The following FAM217A variants were observed in gnomAD, a reference collection of about 807,000 sequenced individuals.
FAM217A encodes the protein protein FAM217A.
A neutral mutation model predicts 18.5 loss-of-function variants in FAM217A; 13 were observed. The ratio of observed to expected loss-of-function variants is 0.70; its 90% CI spans 0.46 to 1.12. The LOEUF is 1.12. Among genes scored for constraint, FAM217A ranks in the 50% most tolerant of loss-of-function variants. FAM217A has a pLI of 0.00. For synonymous variants in FAM217A, 161 were observed against 202.8 expected, an observed-to-expected ratio of 0.79 and a Z score of 1.75; for missense variants, 560 against 575.4, an observed-to-expected ratio of 0.97 and a Z score of 0.27.
chr6:4,081,176 T>C (rs1770270269), upstream of FAM217A, among the ~76,000 whole-genome samples: 1 of 152,272 alleles, frequency 6.6e-6, no homozygotes, highest in South Asian at 2.1e-4. Context: ...TTCTGAAATG[T>C]ATGGTGTGGT....
chr6:4,073,512 A>G lies in FAM217A; in HGVS notation c.160-5T>C. The G allele has an allele frequency of 1.2e-6, 2 of 1,610,598 alleles. No individual in the cohort carries two copies. Among genetic ancestry groups the G allele is most frequent in the Non-Finnish European group, 1.7e-6 (2 of 1,177,734 alleles). On this transcript the variant is annotated splice_region_variant and splice_polypyrimidine_tract_variant and intron_variant, in intron 4 of 6. Transcript: ENST00000274673. ...CACTGGAATTTCCAAATAGTTCTAT[A>G]AGGCAGCAGAAGACTTTTAAACATA...
rs771961311 is a variant in FAM217A at position 4,069,604 on chromosome 6, CT to C, written c.618del (p.Glu207LysfsTer18). 1.9e-6 allele frequency: 3 copies of C among 1,614,118 alleles called. No homozygotes were observed. The highest frequency in any genetic ancestry group is 2.5e-6 in the Non-Finnish European group (3 of 1,180,008). On this transcript the variant is annotated frameshift_variant, in exon 7 of 7. Coordinates refer to ENST00000274673, the MANE Select transcript of FAM217A (RefSeq NM_173563.3). LOFTEE classifies it low-confidence loss of function (END_TRUNC). ...EENFTDESDL[S>X]ENEKTNDTLL... is the part of the protein sequence containing the mutation. Reference sequence around the variant, plus strand: ...AAAGTATCATTTGTCTTCTCATTTTCTGATAAATCACTTTCATCTGTGAAAT... The same window carrying C: ...AAAGTATCATTTGTCTTCTCATTTTCGATAAATCACTTTCATCTGTGAAAT...
At chr6:4,077,593 G>A (rs1769915611) in intron 1 of FAM217A, 145 bp from the exon 2 acceptor site, 2 of 702,490 alleles carry the variant, frequency 2.8e-6, no homozygotes, top group Admixed American at 4.6e-5. Flanking sequence ...GGGTGGGGGT[G>A]ACAGTACGAA....
chr6:4,073,399 T>C (rs1300909378), intron 5 of FAM217A, 34 bp downstream of exon 5: 1 of 1,592,292 alleles, frequency 6.3e-7, no homozygotes, highest in Non-Finnish European at 8.6e-7. Flanking sequence ...TTTTAAAATA[T>C]AATATTTTAA....
upstream of FAM217A, among the ~76,000 whole-genome samples, chr6:4,081,469 G>A (rs1048972816): frequency 1.2e-4 from 18 of 152,054 alleles, no homozygotes; most frequent in East Asian, 1.7e-3. Flanking sequence ...CAGCCACCAC[G>A]CCCGGCTAAT....
chr6:4,081,701 T>A (rs545025022), upstream of FAM217A, among the ~76,000 whole-genome samples: 31 of 152,362 alleles, frequency 2.0e-4, no homozygotes, highest in Admixed American at 4.6e-4. Context: ...AAATTGCGAA[T>A]GGGAGTAAAT....
upstream of FAM217A, among the ~76,000 whole-genome samples, chr6:4,082,201 T>C (rs546875059): frequency 1.1e-4 from 17 of 152,134 alleles, no homozygotes; most frequent in Non-Finnish European, 2.2e-4. Flanking sequence ...TTGGGTCTGG[T>C]CTGGCTCTGG....
exon 2 of FAM217A, chr6:4,084,725 A>G (rs1770531629): frequency 1.4e-6 from 1 of 702,894 alleles, no homozygotes; most frequent in Non-Finnish European, 2.6e-6. Flanking sequence ...ATTACTGAAC[A>G]CCTTGCCTTC....
intron 1 of FAM217A, among the ~76,000 whole-genome samples, chr6:4,077,877 T>G (rs1448113616): frequency 6.6e-6 from 1 of 152,102 alleles, no homozygotes; most frequent in African/African-American, 2.4e-5. Flanking sequence ...ACCCCGTGCA[T>G]ATTTCGGAGA....
chr6:4,074,176 G>A (rs1193030084), intron 4 of FAM217A, among the ~76,000 whole-genome samples: 12 of 151,998 alleles, frequency 7.9e-5, no homozygotes, highest in Admixed American at 7.9e-4. Flanking sequence ...TTAAAGGACA[G>A]GACTACTTCC....
upstream of FAM217A, chr6:4,079,473 C>T (rs1770111875): frequency 2.3e-6 from 1 of 438,192 alleles, no homozygotes; most frequent in African/African-American, 2.2e-5. Context: ...CCCCAGGCGT[C>T]CTGGACCTTC....
intron 2 of FAM217A, among the ~76,000 whole-genome samples, chr6:4,076,471 T>C (rs879716063): frequency 2.6e-5 from 4 of 152,230 alleles, no homozygotes; most frequent in Admixed American, 1.3e-4. Context: ...TTACGATGTC[T>C]GGTGGATTTT....
At chr6:4,074,750 CGAAA>C in intron 2 of FAM217A, 89 bp from the exon 3 acceptor site, 1 of 949,054 alleles carries the variant, frequency 1.1e-6, no homozygotes, top group South Asian at 1.5e-5. Flanking sequence ...TAAAGTATGA[CGAAA>C]GGCACAAAGC....
At chr6:4,087,073 G>A (rs1770714243), upstream of FAM217A, 1 of 399,484 alleles carries the variant, frequency 2.5e-6, no homozygotes, top group Non-Finnish European at 4.4e-6. Context: ...TTCTGCTGAG[G>A]ACTGCACTGA....
chr6:4,070,882 G>C (rs1358519454), intron 6 of FAM217A, among the ~76,000 whole-genome samples: 1 of 151,990 alleles, frequency 6.6e-6, no homozygotes, highest in Non-Finnish European at 1.5e-5. Context: ...TGTAGTCCCT[G>C]CTCCTCTGGA....
chr6:4,078,458 G>C (rs2113881149), intron 1 of FAM217A, among the ~76,000 whole-genome samples: 1 of 152,312 alleles, frequency 6.6e-6, no homozygotes, highest in Non-Finnish European at 1.5e-5. Context: ...ATTTAGTTTA[G>C]GTAGGTTTTC....
intron 1 of FAM217A, among the ~76,000 whole-genome samples, chr6:4,085,207 T>C (rs952358633): frequency 2.6e-5 from 4 of 152,088 alleles, no homozygotes; most frequent in Non-Finnish European, 4.4e-5. Flanking sequence ...CCAGGCGTCA[T>C]TCATGACGGG....
At chr6:4,071,021 G>GA (rs1198709014) in intron 6 of FAM217A, among the ~76,000 whole-genome samples, 1 of 151,756 alleles carries the variant, frequency 6.6e-6, no homozygotes. Context: ...AAAAGAAAAA[G>GA]AAAAAAATAC....
upstream of FAM217A, chr6:4,079,654 C>T (rs761555243): frequency 9.6e-5 from 123 of 1,286,804 alleles, no homozygotes; most frequent in Non-Finnish European, 1.2e-4. Context: ...CCACCGCCTG[C>T]TCACATCAAG....
Sources: allele counts gnomAD v4.1 joint callset (sites outside exome capture counted in the v4.1 genomes callset), GRCh38; gene constraint gnomAD v4.1.1; transcripts MANE v1.5; gene names NCBI Gene and HGNC (gene_info 2026-07-23, HGNC 2026-07-21).